FAM193A: variants seen among roughly 807,000 people sequenced by gnomAD.
The protein encoded by FAM193A is family with sequence similarity 193 member A, also known as protein FAM193A.
A neutral mutation model predicts 126.5 loss-of-function variants in FAM193A; 22 were observed. That is an observed-to-expected ratio of 0.17 (90% CI 0.12 to 0.25). The LOEUF (loss-of-function observed/expected upper bound fraction) is 0.25, where lower values mean the gene tolerates loss of function less well. Among genes scored for constraint, FAM193A ranks in the 10% least tolerant of loss-of-function variants. The pLI is 1.00. For missense variants in FAM193A, 1,675 were observed against 1,672.8 expected, an observed-to-expected ratio of 1.00 and a Z score of -0.02; for synonymous variants, 761 against 646.8, an observed-to-expected ratio of 1.18 and a Z score of -2.68.
At chr4:2,687,582 C>T (rs544607763) in intron 13 of FAM193A, among the ~76,000 whole-genome samples, 2 of 152,180 alleles carry the variant, frequency 1.3e-5, no homozygotes, top group Non-Finnish European at 2.9e-5. Context: ...AGTGGTAGCT[C>T]CTGGACTAGA....
intron 2 of FAM193A, among the ~76,000 whole-genome samples, chr4:2,624,874 C>T (rs1026365547): frequency 2.6e-5 from 4 of 152,134 alleles, no homozygotes; most frequent in African/African-American, 9.7e-5. Context: ...ATGTGTGTGT[C>T]TGTGTGACAA....
chr4:2,577,603 G>C (rs886766716), intron 1 of FAM193A, among the ~76,000 whole-genome samples: 1 of 151,874 alleles, frequency 6.6e-6, no homozygotes. Context: ...ATTTTTAGTG[G>C]AGGTGGAGTT....
chr4:2,593,731 A>G (rs1740696307), intron 1 of FAM193A, among the ~76,000 whole-genome samples: 1 of 152,116 alleles, frequency 6.6e-6, no homozygotes, highest in South Asian at 2.1e-4. Flanking sequence ...GGGCCTGTAG[A>G]GCCCAGCATC....
intron 1 of FAM193A, among the ~76,000 whole-genome samples, chr4:2,565,008 A>AG (rs910182642): frequency 1.2e-4 from 18 of 152,154 alleles, no homozygotes; most frequent in African/African-American, 3.9e-4. Context: ...TGTGTTACCC[A>AG]GGCTGGTCTT....
intron 2 of FAM193A, among the ~76,000 whole-genome samples, chr4:2,600,409 G>A (rs1054342141): frequency 4.6e-5 from 7 of 152,186 alleles, no homozygotes; most frequent in African/African-American, 7.2e-5. Context: ...AATATTCATG[G>A]AGAAAATTGC....
At chr4:2,582,772 A>T (rs1173066619) in intron 1 of FAM193A, among the ~76,000 whole-genome samples, 1 of 151,914 alleles carries the variant, frequency 6.6e-6, no homozygotes, top group African/African-American at 2.4e-5. Flanking sequence ...TGGATCTAGG[A>T]TGAGGAGTGT....
intron 2 of FAM193A, among the ~76,000 whole-genome samples, chr4:2,609,597 A>G (rs1478182278): frequency 6.6e-6 from 1 of 152,234 alleles, no homozygotes; most frequent in Non-Finnish European, 1.5e-5. Context: ...ATCAAGGCAT[A>G]TAGTCCCAAC....
Position 2,662,933 on chromosome 4 carries a change from T to C in FAM193A, c.1841T>C (p.Met614Thr). The change falls in exon 11 of 21, where the codon ATG (methionine) becomes ACG (threonine). Residue 614 changes from methionine to threonine, a missense_variant. Physicochemically the swap from Met to Thr is moderately conservative, Grantham distance 81. Coordinates refer to ENST00000637812, the MANE Select transcript of FAM193A (RefSeq NM_001366318.2). ...GATGATACCGAGGTGGTGGCCAACA[T>C]GAATGGAATCCACAGCGAATTGAAT... Reference protein sequence around the residue: ...NYDDTEVVANMNGIHSELNGG... With the variant: ...NYDDTEVVANTNGIHSELNGG... 6.2e-7 allele frequency: 1 copy of C among 1,613,826 alleles called. No homozygotes were observed. The highest frequency in any genetic ancestry group is 8.5e-7 in the Non-Finnish European group (1 of 1,179,750).
chr4:2,552,551 T>G (rs189564348), intron 1 of FAM193A, among the ~76,000 whole-genome samples: 64 of 152,286 alleles, frequency 4.2e-4, no homozygotes, highest in African/African-American at 1.4e-3. Context: ...TCTTTTCTTT[T>G]TTTTTGAGAC....
At chr4:2,640,023 A>T (rs1744459057) in intron 6 of FAM193A, among the ~76,000 whole-genome samples, 164 bp downstream of exon 6, 1 of 147,876 alleles carries the variant, frequency 6.8e-6, no homozygotes. Flanking sequence ...AAAACCTGAG[A>T]AGCAATACAA....
At chr4:2,639,700 C>T in intron 5 of FAM193A, 35 bp from the exon 6 acceptor site, 5 of 1,585,120 alleles carry the variant, frequency 3.2e-6, no homozygotes, top group South Asian at 1.1e-5. Context: ...CAATTCACTA[C>T]ATCTTCTGTT....
chr4:2,630,851 AG>A, intron 4 of FAM193A, 83 bp from the exon 5 acceptor site: 2 of 744,546 alleles, frequency 2.7e-6, no homozygotes, highest in Non-Finnish European at 4.5e-6. Context: ...CACCTGTGGA[AG>A]GGCTTCAGAA....
intron 8 of FAM193A, among the ~76,000 whole-genome samples, chr4:2,659,102 G>A (rs188015562): frequency 1.8e-4 from 28 of 152,274 alleles, no homozygotes; most frequent in African/African-American, 6.3e-4. Flanking sequence ...CATTGCCAGA[G>A]TGGGTCCAGA....
At chr4:2,664,558 C>CTTTCT (rs1712874351) in intron 12 of FAM193A, among the ~76,000 whole-genome samples, 3 of 73,074 alleles carry the variant, frequency 4.1e-5, no homozygotes, top group African/African-American at 1.6e-4. Flanking sequence ...TATTTTCTTT[C>CTTTCT]TTTTTTTTTT....
At chr4:2,579,830 C>T (rs902066836) in intron 1 of FAM193A, among the ~76,000 whole-genome samples, 20 of 152,240 alleles carry the variant, frequency 1.3e-4, no homozygotes, top group Admixed American at 6.5e-4. Context: ...ACTGTTGGTG[C>T]GAGTGTAAAT....
chr4:2,604,269 T>C (rs993228299), intron 2 of FAM193A, among the ~76,000 whole-genome samples: 2 of 152,342 alleles, frequency 1.3e-5, no homozygotes, highest in East Asian at 3.9e-4. Context: ...TAATACATAG[T>C]TACTTTTTTA....
intron 1 of FAM193A, among the ~76,000 whole-genome samples, chr4:2,549,366 A>AT (rs930091906): frequency 9.7e-5 from 13 of 133,368 alleles, no homozygotes; most frequent in African/African-American, 3.6e-4. Flanking sequence ...GGTTATGACG[A>AT]TTTTTTTCCC....
intron 1 of FAM193A, among the ~76,000 whole-genome samples, chr4:2,592,178 G>A (rs1482854948): frequency 6.6e-6 from 1 of 151,954 alleles, no homozygotes; most frequent in East Asian, 1.9e-4. Context: ...CGCAACCTCC[G>A]CCTCATGGGT....
chr4:2,730,474 A>G (rs1721247698), intron 20 of FAM193A, among the ~76,000 whole-genome samples: 1 of 151,972 alleles, frequency 6.6e-6, no homozygotes, highest in Admixed American at 6.6e-5. Context: ...GCAGATCACA[A>G]GGTCAGGATA....
Sources: allele counts gnomAD v4.1 joint callset (sites outside exome capture counted in the v4.1 genomes callset), GRCh38; gene constraint gnomAD v4.1.1; transcripts MANE v1.5; gene names NCBI Gene and HGNC (gene_info 2026-07-23, HGNC 2026-07-21).